The following ZNF678 variants were observed in gnomAD, a reference collection of about 807,000 sequenced individuals.
ZNF678 encodes the protein zinc finger protein 678.
ZNF678 carries 5 observed loss-of-function variants against 3.0 expected under a neutral mutation model. The ratio of observed to expected loss-of-function variants is 1.69; its 90% confidence interval spans 0.88 to 3.56. The LOEUF (loss-of-function observed/expected upper bound fraction) is 3.56, where lower values mean the gene tolerates loss of function less well. Ranked by LOEUF, ZNF678 falls within the 30% of genes most tolerant of loss-of-function variation. The probability of loss-of-function intolerance (pLI) is 0.00; values close to 1 mark genes in which losing one functional copy is unlikely to be tolerated. For missense variants in ZNF678, 593 were observed against 605.0 expected (o/e 0.98, Z 0.21); for synonymous variants, 218 against 199.6 (o/e 1.09, Z -0.78).
chr1:227,580,009 G>T (rs1285001845), intron 1 of ZNF678, among the ~76,000 whole-genome samples: 1 of 152,130 alleles, frequency 6.6e-6, no homozygotes, highest in Non-Finnish European at 1.5e-5. Flanking sequence ...AGCTCTCCCT[G>T]CTAACTCAAG....
chr1:227,641,117 C>T (rs1451869850), intron 1 of ZNF678, among the ~76,000 whole-genome samples: 4 of 152,176 alleles, frequency 2.6e-5, no homozygotes, highest in African/African-American at 9.7e-5. Context: ...CAGAGAGAGG[C>T]GACTGGAGGC....
chr1:227,632,818 G>A (rs1026930037), intron 1 of ZNF678, among the ~76,000 whole-genome samples: 3 of 152,090 alleles, frequency 2.0e-5, no homozygotes, highest in Admixed American at 6.5e-5. Flanking sequence ...GCGGGTCTTT[G>A]TTCTTAGAGT....
At chr1:227,653,112 C>G (rs1246236819) in intron 3 of ZNF678, among the ~76,000 whole-genome samples, 1 of 152,120 alleles carries the variant, frequency 6.6e-6, no homozygotes, top group Non-Finnish European at 1.5e-5. Context: ...TGCAAGGTTT[C>G]TGTTGATAAA....
At chr1:227,668,259 A>G (rs16848036) in intron 5 of ZNF678, among the ~76,000 whole-genome samples, 32,705 of 152,174 alleles carry the variant, frequency 0.21, 3,688 homozygotes, top group East Asian at 0.28. Flanking sequence ...TACCAGTTCT[A>G]TAATTAGCGA....
chr1:227,668,480 A>T lies in ZNF678; in HGVS notation c.227-8699A>T, dbSNP rs115171063. On this transcript the variant is annotated intron_variant, in intron 5 of 5. Coordinates refer to the ZNF678 transcript ENST00000608949. ...ATATATGGTCCATCATTGTAAACAT[A>T]AAATGCCAAGCTGGATAGAGTGTCT... Among the ~76,000 whole-genome samples, 605 of 152,322 alleles carry T rather than the reference A, an allele frequency of 4.0e-3. 6 individuals are homozygous for T. The highest frequency in any genetic ancestry group is 0.014 in the African/African-American group (588 of 41,570).
Position 227,595,269 on chromosome 1 carries a change from GTCTC to G in ZNF678, c.-164+31562_-164+31565del, listed in dbSNP as rs148351161. Among the ~76,000 whole-genome samples the G allele has an allele frequency of 4.9e-3, 699 of 143,650 alleles. 18 individuals carry two copies. The South Asian group carries it at 0.06, about 12-fold the overall frequency. The allele number at this position is 143,650 out of a possible 152,430, so 94.2% of individuals were successfully genotyped here. A position where few individuals can be genotyped will look rare whatever the true frequency, so the allele number is the denominator to read the frequency against. ...CTCTGTCTCTTCCTCTCTCTTCTCT[GTCTC>G]TCTCTCTCTCTCTCTCAGCCTGGCT... On this transcript the variant is annotated intron_variant, in intron 1 of 3. Coordinates refer to ENST00000343776, the MANE Select transcript of ZNF678 (RefSeq NM_001367909.1).
chr1:227,629,941 G>A (rs1658510308), intron 1 of ZNF678, among the ~76,000 whole-genome samples: 1 of 151,684 alleles, frequency 6.6e-6, no homozygotes, highest in South Asian at 2.1e-4. Context: ...CTAAAGTGAT[G>A]GCCTTTTTTT....
chr1:227,659,718 T>G lies in ZNF678; in HGVS notation c.*3890T>G, dbSNP rs557050705. 1 of 152,316 alleles carries G rather than the reference T, an allele frequency of 6.6e-6. No homozygotes were observed. Among genetic ancestry groups the G allele is most frequent in the African/African-American group, 2.4e-5 (1 of 41,570 alleles). The allele number at this position is 152,316 out of a possible 1,614,324, so 9.4% of individuals were successfully genotyped here. On this transcript the variant is annotated 3_prime_UTR_variant, in exon 4 of 4. Transcript: ENST00000343776. Reference sequence around the variant, plus strand: ...TATTTGGAGCATTGCTATCGCTCCATGATGTGTTTAAAAATTATTTTTAAA... The same window carrying G: ...TATTTGGAGCATTGCTATCGCTCCAGGATGTGTTTAAAAATTATTTTTAAA...
chr1:227,628,881 G>C (rs1326014282), intron 1 of ZNF678, among the ~76,000 whole-genome samples: 1 of 152,212 alleles, frequency 6.6e-6, no homozygotes, highest in Non-Finnish European at 1.5e-5. Flanking sequence ...GGGTTTGAAG[G>C]ATCTTCAAAG....
At chr1:227,663,290 A>G (rs890480081), downstream of ZNF678, among the ~76,000 whole-genome samples, 9 of 152,240 alleles carry the variant, frequency 5.9e-5, no homozygotes, top group African/African-American at 1.7e-4. Context: ...TGTTTCCTGC[A>G]GCACGACTGA....
intron 1 of ZNF678, among the ~76,000 whole-genome samples, chr1:227,613,299 G>A (rs747614334): frequency 2.0e-5 from 3 of 152,060 alleles, no homozygotes; most frequent in African/African-American, 4.8e-5. Context: ...TGACACTGCC[G>A]CAGCTATTGC....
At chr1:227,624,026 T>C (rs929656891) in intron 1 of ZNF678, among the ~76,000 whole-genome samples, 10 of 152,188 alleles carry the variant, frequency 6.6e-5, no homozygotes, top group African/African-American at 1.7e-4. Context: ...GAAATACATC[T>C]TTTTTTATAT....
At chr1:227,663,821 T>C (rs150693682), downstream of ZNF678, among the ~76,000 whole-genome samples, 1,127 of 152,312 alleles carry the variant, frequency 7.4e-3, 8 homozygotes, top group African/African-American at 0.022. Flanking sequence ...CCAGGGTGTC[T>C]ACATATTCAG....
chr1:227,663,927 G>C (rs978945697), downstream of ZNF678, among the ~76,000 whole-genome samples: 6 of 152,138 alleles, frequency 3.9e-5, no homozygotes, highest in Admixed American at 3.9e-4. Flanking sequence ...AGATATGCTC[G>C]GTGGCATGGT....
At chr1:227,620,014 C>G (rs1366282795) in intron 1 of ZNF678, among the ~76,000 whole-genome samples, 1 of 152,166 alleles carries the variant, frequency 6.6e-6, no homozygotes. Context: ...AGAACCTTTA[C>G]CTTACTCCAG....
chr1:227,579,160 T>C (rs1417383944), intron 1 of ZNF678, among the ~76,000 whole-genome samples: 4 of 152,036 alleles, frequency 2.6e-5, no homozygotes, highest in African/African-American at 4.8e-5. Context: ...AGCAGAGTGC[T>C]AGTGGGTGCT....
intron 2 of ZNF678, among the ~76,000 whole-genome samples, chr1:227,646,880 A>T (rs1558154222): frequency 2.6e-5 from 4 of 152,096 alleles, no homozygotes; most frequent in Non-Finnish European, 5.9e-5. Flanking sequence ...TAAATTCTTC[A>T]CTCTAGATGA....
chr1:227,673,268 AC>A (rs769457337), intron 5 of ZNF678, among the ~76,000 whole-genome samples: 9 of 152,136 alleles, frequency 5.9e-5, no homozygotes, highest in Non-Finnish European at 1.3e-4. Context: ...ATAACCCACC[AC>A]TGGACACCTG....
intron 1 of ZNF678, among the ~76,000 whole-genome samples, chr1:227,564,011 G>A (rs1283406599): frequency 1.3e-5 from 2 of 152,250 alleles, no homozygotes; most frequent in African/African-American, 4.8e-5. Flanking sequence ...AAACATGCGT[G>A]GGAAGAGCTG....
Sources: allele counts gnomAD v4.1 joint callset (sites outside exome capture counted in the v4.1 genomes callset), GRCh38; gene constraint gnomAD v4.1.1; transcripts MANE v1.5; gene names NCBI Gene and HGNC (gene_info 2026-07-23, HGNC 2026-07-21).